ZNF469: variants seen among roughly 807,000 people sequenced by gnomAD.
ZNF469 encodes zinc finger protein 469.
In ZNF469, 1 loss-of-function variant was observed where a neutral mutation model predicts 1.0. That is an observed-to-expected ratio of 1.00 (90% confidence interval 0.35 to 4.73). The LOEUF (loss-of-function observed/expected upper bound fraction) is 4.73. ZNF469 is among the 30% of genes most tolerant of loss of function. ZNF469 has a pLI of 0.16. For missense variants in ZNF469, 6,100 were observed against 5,356.3 expected (o/e 1.14, Z -4.33); for synonymous variants, 2,703 against 2,363.4 (o/e 1.14, Z -4.17).
chr16:88,328,730 A>G, the ZNF469 span, among the ~76,000 whole-genome samples: 1 of 152,170 alleles, frequency 6.6e-6, no homozygotes, highest in Non-Finnish European at 1.5e-5. Flanking sequence ...GCTGAGTGCA[A>G]TGGGAGAGGG....
chr16:88,303,894 A>T, the ZNF469 span, among the ~76,000 whole-genome samples: 1 of 152,064 alleles, frequency 6.6e-6, no homozygotes, highest in Non-Finnish European at 1.5e-5. Context: ...AGTGCCACAC[A>T]CTCAGTGCCA....
At chr16:88,214,179 C>G in the ZNF469 span, among the ~76,000 whole-genome samples, 1 of 152,202 alleles carries the variant, frequency 6.6e-6, no homozygotes, top group Non-Finnish European at 1.5e-5. Flanking sequence ...GGGAAAGCTA[C>G]TCTATTCCAT....
At position 88,432,089 on chromosome 16, in the gene ZNF469, C is replaced by T; in HGVS notation, c.4619C>T (p.Pro1540Leu). The change falls in exon 3 of 3, where the codon CCA becomes CTA. Residue 1540 changes from proline to leucine, a missense_variant. By Grantham distance (98) the Pro-to-Leu change is moderately conservative (BLOSUM62 -3). Coordinates refer to ENST00000565624, the MANE Select transcript of ZNF469 (RefSeq NM_001367624.2). ...CGGACAGTGGTTCCCGGCGCCGCCC[C>T]ATCTTTGCCTGGGAAGGGGAGTGGA... The part of the protein sequence containing the change: ...PERTVVPGAA[P>L]SLPGKGSGCS... 1 of 1,550,572 alleles carries T rather than the reference C, an allele frequency of 6.4e-7. No homozygotes were observed. The highest frequency in any genetic ancestry group is 8.7e-7 in the Non-Finnish European group (1 of 1,147,010).
chr16:88,123,175 C>A, the ZNF469 span, among the ~76,000 whole-genome samples: 1 of 152,186 alleles, frequency 6.6e-6, no homozygotes, highest in African/African-American at 2.4e-5. Flanking sequence ...GGCCCTGCTC[C>A]ACCCCTTGTA....
At position 88,431,418 on chromosome 16, in the gene ZNF469, C is replaced by A. The variant is rs1486767330; in HGVS notation, c.3948C>A (p.Ser1316Arg). The A allele has an allele frequency of 6.5e-7, 1 of 1,550,348 alleles. No individual in the cohort carries two copies. The highest frequency in any genetic ancestry group is 1.2e-5 in the South Asian group (1 of 84,064). ...GGTQAPVSHNSKDPPARQPGE... is the reference protein window; with the variant it reads ...GGTQAPVSHNRKDPPARQPGE... The stretch of plus-strand genomic sequence containing the variant: ...CACAGGCCCCAGTCTCCCACAACAG[C>A]AAGGACCCCCCTGCCCGCCAGCCTG... Residue 1316 changes from serine to arginine, a missense_variant, in exon 3 of 3, where the codon AGC (serine) becomes AGA (arginine). Transcript: ENST00000565624.
chr16:88,311,342 C>T, the ZNF469 span, among the ~76,000 whole-genome samples: 1 of 152,094 alleles, frequency 6.6e-6, no homozygotes, highest in South Asian at 2.1e-4. Flanking sequence ...CCCTGGAGCT[C>T]GACAGGCTTT....
At chr16:88,282,786 C>T in the ZNF469 span, among the ~76,000 whole-genome samples, 4 of 152,166 alleles carry the variant, frequency 2.6e-5, no homozygotes, top group Non-Finnish European at 5.9e-5. Flanking sequence ...CTCCTGACCT[C>T]GATGGAGTGG....
chr16:88,120,845 G>C, the ZNF469 span, among the ~76,000 whole-genome samples: 8 of 152,176 alleles, frequency 5.3e-5, no homozygotes, highest in Non-Finnish European at 8.8e-5. Flanking sequence ...GAATCCAGGT[G>C]TGAGCCCCGG....
the ZNF469 span, among the ~76,000 whole-genome samples, chr16:88,279,465 C>A: frequency 2.0e-5 from 3 of 148,124 alleles, no homozygotes; most frequent in Admixed American, 2.0e-4. Flanking sequence ...CTGTGTCACG[C>A]CGACGCTCGG....
At chr16:88,249,569 T>C in the ZNF469 span, among the ~76,000 whole-genome samples, 1 of 151,204 alleles carries the variant, frequency 6.6e-6, no homozygotes, top group Admixed American at 6.6e-5. Flanking sequence ...CCAAAGTAGC[T>C]GGGACTACAG....
chr16:88,139,972 C>A, the ZNF469 span, among the ~76,000 whole-genome samples: 2 of 152,200 alleles, frequency 1.3e-5, no homozygotes, highest in South Asian at 2.1e-4. Context: ...CAAAATAACT[C>A]CTACCGAGTT....
chr16:88,346,499 C>T, the ZNF469 span, among the ~76,000 whole-genome samples: 1 of 152,336 alleles, frequency 6.6e-6, no homozygotes, highest in African/African-American at 2.4e-5. Context: ...AGGACCGTTG[C>T]TCCTACTCTT....
chr16:88,296,380 A>C, the ZNF469 span, among the ~76,000 whole-genome samples: 2 of 152,090 alleles, frequency 1.3e-5, no homozygotes, highest in Non-Finnish European at 2.9e-5. Flanking sequence ...GCACACATAC[A>C]CAGGTGCACA....
the ZNF469 span, among the ~76,000 whole-genome samples, chr16:88,273,867 C>T: frequency 0.27 from 41,004 of 149,336 alleles, 6,507 homozygotes; most frequent in East Asian, 0.36. Context: ...TGCAGTGGCG[C>T]GATCTCGGCT....
Position 88,432,362 on chromosome 16 carries a change from G to A in ZNF469, c.4892G>A (p.Gly1631Glu), listed in dbSNP as rs755244502. 98 of 1,548,672 alleles carry A rather than the reference G, an allele frequency of 6.3e-5. No homozygotes were observed. The highest frequency in any genetic ancestry group is 1.0e-5 in the Non-Finnish European group (12 of 1,146,656). The change falls in exon 3 of 3, where the codon GGA becomes GAA. Residue 1631 changes from glycine to glutamate, a missense_variant. By Grantham distance (98) the Gly-to-Glu change is moderately conservative. Transcript: ENST00000565624. ...TFSAADLTRVGESTAHREGAE... is the reference protein window; with the variant it reads ...TFSAADLTRVEESTAHREGAE... ...TCGGCAGCTGACCTCACGCGCGTTG[G>A]AGAATCCACTGCACATCGGGAGGGT...
the ZNF469 span, among the ~76,000 whole-genome samples, chr16:88,341,724 C>T: frequency 2.6e-5 from 4 of 152,104 alleles, no homozygotes; most frequent in Admixed American, 6.5e-5. Flanking sequence ...GGTGGTGCAG[C>T]GTCCACAGAC....
intron 1 of ZNF469, among the ~76,000 whole-genome samples, chr16:88,396,194 G>T (rs941044322): frequency 2.6e-5 from 4 of 152,262 alleles, no homozygotes; most frequent in Non-Finnish European, 5.9e-5. Flanking sequence ...GAATTTCTTG[G>T]CTTGTGATAC....
chr16:88,303,155 G>T, the ZNF469 span, among the ~76,000 whole-genome samples: 2 of 152,210 alleles, frequency 1.3e-5, no homozygotes, highest in Admixed American at 1.3e-4. Context: ...AAAGTGTGAA[G>T]TTGTGTCTGA....
chr16:88,404,148 A>G (rs1443393797), intron 1 of ZNF469, among the ~76,000 whole-genome samples: 2 of 151,494 alleles, frequency 1.3e-5, no homozygotes, highest in Non-Finnish European at 2.9e-5. Context: ...TTAAACATAT[A>G]CAAGAGCAGC....
Sources: allele counts gnomAD v4.1 joint callset (sites outside exome capture counted in the v4.1 genomes callset), GRCh38; gene constraint gnomAD v4.1.1; transcripts MANE v1.5; gene names NCBI Gene and HGNC (gene_info 2026-07-23, HGNC 2026-07-21).